Variants in RAB33A observed in about 807,000 individuals in gnomAD.
RAB33A encodes RAB33A, member RAS oncogene family.
RAB33A carries 6 observed loss-of-function variants against 12.0 expected under a neutral mutation model. That is an observed-to-expected ratio of 0.50 (90% CI 0.27 to 0.99). RAB33A has a LOEUF of 0.99. RAB33A is among the 50% of genes least tolerant of loss of function. The pLI, the probability that RAB33A is intolerant of heterozygous loss-of-function variation, is 0.11. For missense variants in RAB33A, 109 were observed against 192.0 expected, an observed-to-expected ratio of 0.57 and a Z score of 2.55; for synonymous variants, 70 against 82.4, an observed-to-expected ratio of 0.85 and a Z score of 0.81.
chrX:130,133,484 CAT>C, the RAB33A span: 1 of 1,175,092 alleles, frequency 8.5e-7, no homozygotes, highest in African/African-American at 1.8e-5. Flanking sequence ...AACATGAACA[CAT>C]GATAAAAAAA....
chrX:130,165,765 T>A, the RAB33A span: 1 of 633,405 alleles, frequency 1.6e-6, no homozygotes, highest in African/African-American at 2.2e-5. Context: ...CACACGCACA[T>A]TACGCAGACT....
the RAB33A span, chrX:130,140,670 A>G: frequency 1.6e-5 from 15 of 959,006 alleles, no homozygotes; most frequent in Middle Eastern, 2.6e-4. Flanking sequence ...TAGCATTGAA[A>G]AAGTTTTATT....
chrX:130,181,428 A>T (rs1406968451), intron 1 of RAB33A, among the ~76,000 whole-genome samples: 2 of 112,335 alleles, frequency 1.8e-5, no homozygotes, highest in South Asian at 7.3e-4. Flanking sequence ...ATAACTGAGA[A>T]TTGTATAGGG....
At chrX:130,125,408 C>T in the RAB33A span, among the ~76,000 whole-genome samples, 2 of 111,267 alleles carry the variant, frequency 1.8e-5, no homozygotes, top group East Asian at 2.8e-4. Context: ...TTTGTGTACG[C>T]GTGTCTGTGC....
At chrX:130,145,253 T>G in the RAB33A span, among the ~76,000 whole-genome samples, 1 of 111,993 alleles carries the variant, frequency 8.9e-6, no homozygotes, top group African/African-American at 3.2e-5. Context: ...ATAGGAGAGA[T>G]AACAGCTTTT....
At chrX:130,165,576 G>A in the RAB33A span, 1 of 1,198,787 alleles carries the variant, frequency 8.3e-7, no homozygotes, top group Non-Finnish European at 1.1e-6. Flanking sequence ...TCTGCCTCGG[G>A]CTTCGGACGC....
chrX:130,136,953 T>C, the RAB33A span: 1 of 1,171,635 alleles, frequency 8.5e-7, no homozygotes, highest in Non-Finnish European at 1.1e-6. Flanking sequence ...GACTGGAGAA[T>C]GGTGGAAACA....
At chrX:130,157,067 C>T in the RAB33A span, among the ~76,000 whole-genome samples, 1 of 111,622 alleles carries the variant, frequency 9.0e-6, no homozygotes, top group Non-Finnish European at 1.9e-5. Context: ...ACAGTTCAAT[C>T]TTGCATGAAA....
upstream of RAB33A, among the ~76,000 whole-genome samples, chrX:130,169,003 C>G (rs375431165): frequency 1.8e-5 from 2 of 109,838 alleles, no homozygotes; most frequent in African/African-American, 6.6e-5. Flanking sequence ...GTCCGGAGAT[C>G]GAGACCAGCC....
chrX:130,111,731 C>T, the RAB33A span, among the ~76,000 whole-genome samples: 1 of 111,870 alleles, frequency 8.9e-6, no homozygotes, highest in Non-Finnish European at 1.9e-5. Context: ...ACCTTTCTTC[C>T]CCTGTCCAAA....
chrX:130,176,505 A>T (rs905823148), intron 1 of RAB33A, among the ~76,000 whole-genome samples: 2 of 111,453 alleles, frequency 1.8e-5, no homozygotes, highest in Admixed American at 9.5e-5. Context: ...TCCTCTACTG[A>T]TCACTGGGGG....
the RAB33A span, among the ~76,000 whole-genome samples, chrX:130,166,635 C>T: frequency 8.9e-6 from 1 of 112,537 alleles, no homozygotes; most frequent in African/African-American, 3.2e-5. Flanking sequence ...TTCAAAGATT[C>T]AGCTTACATA....
chrX:130,182,887 T>C (rs2031746802), intron 1 of RAB33A, among the ~76,000 whole-genome samples: 1 of 111,960 alleles, frequency 8.9e-6, no homozygotes, highest in Admixed American at 9.5e-5. Flanking sequence ...AATATCCCAC[T>C]GTACGGATAT....
chrX:130,166,019 G>T, the RAB33A span: 1 of 268,918 alleles, frequency 3.7e-6, no homozygotes, highest in African/African-American at 2.8e-5. Flanking sequence ...TAAGGAACCT[G>T]TTCAAGGAGG....
upstream of RAB33A, among the ~76,000 whole-genome samples, chrX:130,168,037 C>T (rs1286291045): frequency 9.3e-6 from 1 of 107,953 alleles, no homozygotes; most frequent in Non-Finnish European, 1.9e-5. Context: ...ATTAGCCAGG[C>T]GTGGTGGTAT....
chrX:130,157,879 C>T, the RAB33A span, among the ~76,000 whole-genome samples: 4 of 104,581 alleles, frequency 3.8e-5, no homozygotes, highest in Admixed American at 2.1e-4. Context: ...CGCTTGAACC[C>T]GGGAGGCGGA....
At chrX:130,182,617 G>T (rs1248681773) in intron 1 of RAB33A, among the ~76,000 whole-genome samples, 1 of 110,025 alleles carries the variant, frequency 9.1e-6, no homozygotes, top group Non-Finnish European at 1.9e-5. Context: ...AGCCGGGCGT[G>T]GTGGCACATG....
the RAB33A span, chrX:130,138,667 C>T: frequency 1.5e-5 from 18 of 1,207,088 alleles, no homozygotes; most frequent in East Asian, 1.5e-4. Flanking sequence ...TTTGACTTCC[C>T]GTGAAATCTT....
the RAB33A span, among the ~76,000 whole-genome samples, chrX:130,138,218 C>T: frequency 8.9e-6 from 1 of 111,967 alleles, no homozygotes; most frequent in African/African-American, 3.2e-5. Flanking sequence ...GTAATCCCAG[C>T]ACTTTGGGAG....
Sources: gnomAD v4.1 joint callset for allele counts (sites outside exome capture counted in the v4.1 genomes callset) on GRCh38, gnomAD v4.1.1 for gene constraint, MANE v1.5 for transcripts, NCBI Gene and HGNC (gene_info 2026-07-23, HGNC 2026-07-21) for gene names.